The following ANKRD44 variants were observed in gnomAD, a reference collection of about 807,000 sequenced individuals.
ANKRD44 encodes the protein ankyrin repeat domain 44.
A neutral mutation model predicts 116.0 loss-of-function variants in ANKRD44; 35 were observed. The ratio of observed to expected loss-of-function variants is 0.30; its 90% CI spans 0.23 to 0.40. ANKRD44 has a LOEUF of 0.40. ANKRD44 is among the 10% of genes least tolerant of loss of function. ANKRD44 has a pLI of 1.00. For synonymous variants in ANKRD44, 435 were observed against 461.8 expected (o/e 0.94, Z 0.74); for missense variants, 1,014 against 1,242.6 (o/e 0.82, Z 2.77).
chr2:197,080,391 G>A (rs534019515), intron 15 of ANKRD44, among the ~76,000 whole-genome samples: 11 of 152,224 alleles, frequency 7.2e-5, no homozygotes, highest in African/African-American at 2.6e-4. Flanking sequence ...TGCACATGAC[G>A]TCAGAGGCGT....
At chr2:196,985,657 TC>T (rs560105540), downstream of ANKRD44, among the ~76,000 whole-genome samples, 174 of 152,314 alleles carry the variant, frequency 1.1e-3, 1 homozygote, top group Middle Eastern at 0.014. Context: ...TTCAGTTTCT[TC>T]CTGAAAGAGC....
chr2:197,078,430 G>C, intron 16 of ANKRD44: 1 of 754,558 alleles, frequency 1.3e-6, no homozygotes, highest in South Asian at 1.8e-5. Context: ...GGTGTTAGGA[G>C]GCAGAAATGG....
intron 17 of ANKRD44, chr2:197,015,926 G>A (rs1051107930): frequency 1.9e-6 from 1 of 530,704 alleles, no homozygotes; most frequent in Non-Finnish European, 3.7e-6. Context: ...ATGAAAGGGG[G>A]TAGTTTTGGT....
In ANKRD44 at chr2:197,142,346, C is replaced by T. The variant is rs544868712; in HGVS notation, c.190+4681G>A. 6.4e-4 allele frequency among the ~76,000 whole-genome samples: 98 copies of T among 152,256 alleles called. 1 individual carries two copies. The highest frequency in any genetic ancestry group is 3.1e-3 in the Admixed American group (48 of 15,294). On this transcript the variant is annotated intron_variant, in intron 3 of 27. Transcript: ENST00000282272. ...CACAAGCCAAAGAGAATAATTTCTT[C>T]CCAAGCTTAACTTATCTAAAGTTTG...
intron 4 of ANKRD44, among the ~76,000 whole-genome samples, chr2:197,128,215 CCA>C (rs1360478035): frequency 6.6e-6 from 1 of 152,224 alleles, no homozygotes; most frequent in Non-Finnish European, 1.5e-5. Context: ...TAAGAAGTCA[CCA>C]CACTGTCTTC....
intron 16 of ANKRD44, among the ~76,000 whole-genome samples, chr2:197,057,790 A>C (rs2077232237): frequency 6.6e-6 from 1 of 152,202 alleles, no homozygotes; most frequent in African/African-American, 2.4e-5. Context: ...TCCAGGGTTC[A>C]AAGGCTGCAG....
At position 197,159,453 on chromosome 2, in the gene ANKRD44, A is replaced by G. The variant is rs1218797573; in HGVS notation, c.112-12348T>C. On this transcript the variant is annotated intron_variant, in intron 2 of 27. Transcript: ENST00000282272. ...AGACTTGCAGTTTACAAACAAGAAA[A>G]TAAAATTCCTCTTGTAAATAATAAA... 2.0e-5 allele frequency among the ~76,000 whole-genome samples: 3 copies of G among 152,224 alleles called. No individual in the cohort carries two copies. In the East Asian group the frequency reaches 5.8e-4, roughly 29 times the overall value.
intron 17 of ANKRD44, among the ~76,000 whole-genome samples, chr2:197,024,986 AG>A (rs1275776210): frequency 6.6e-6 from 1 of 152,222 alleles, no homozygotes; most frequent in Non-Finnish European, 1.5e-5. Context: ...GGCTCAAGAC[AG>A]GGTAAGTCAT....
intron 4 of ANKRD44, among the ~76,000 whole-genome samples, chr2:197,128,364 G>A (rs1405911379): frequency 6.6e-6 from 1 of 152,140 alleles, no homozygotes; most frequent in Non-Finnish European, 1.5e-5. Flanking sequence ...TCTCATTGTG[G>A]TTTTGATTTG....
intron 8 of ANKRD44, among the ~76,000 whole-genome samples, chr2:197,116,013 G>C (rs957930614): frequency 6.6e-6 from 1 of 152,162 alleles, no homozygotes; most frequent in Non-Finnish European, 1.5e-5. Context: ...TTATATTCTA[G>C]TTATGATCAG....
At chr2:197,015,854 G>C in intron 17 of ANKRD44, 1 of 516,482 alleles carries the variant, frequency 1.9e-6, no homozygotes, top group Non-Finnish European at 3.7e-6. Flanking sequence ...ACCTGTGGTG[G>C]TGGTGGGAAC....
intron 16 of ANKRD44, among the ~76,000 whole-genome samples, chr2:197,055,164 T>C (rs1030347900): frequency 1.3e-5 from 2 of 152,238 alleles, no homozygotes; most frequent in Non-Finnish European, 2.9e-5. Flanking sequence ...CACATTGTAG[T>C]TCTAATTTGC....
At chr2:197,159,883 T>C (rs765355430) in intron 2 of ANKRD44, among the ~76,000 whole-genome samples, 20 of 152,208 alleles carry the variant, frequency 1.3e-4, no homozygotes, top group Non-Finnish European at 2.6e-4. Context: ...CCACATCCGC[T>C]GCTCTCTCAA....
intron 16 of ANKRD44, among the ~76,000 whole-genome samples, chr2:197,075,439 C>G (rs576793728): frequency 6.6e-6 from 1 of 152,292 alleles, no homozygotes; most frequent in South Asian, 2.1e-4. Flanking sequence ...AAGTCTCCCC[C>G]ACTTTGCTTT....
At chr2:197,310,222 C>A (rs2084206103) in intron 1 of ANKRD44, among the ~76,000 whole-genome samples, 1 of 151,694 alleles carries the variant, frequency 6.6e-6, no homozygotes, top group Admixed American at 6.6e-5. Flanking sequence ...GGGCCCGGGC[C>A]GGCGGCGCCC....
intron 1 of ANKRD44, among the ~76,000 whole-genome samples, chr2:197,246,268 C>G (rs1362730928): frequency 6.8e-6 from 1 of 147,710 alleles, no homozygotes; most frequent in Non-Finnish European, 1.5e-5. Context: ...CTCACTGCAG[C>G]CTGGAATTCC....
intron 10 of ANKRD44, among the ~76,000 whole-genome samples, chr2:197,092,045 T>C (rs1220381482): frequency 1.3e-5 from 2 of 152,168 alleles, no homozygotes; most frequent in Non-Finnish European, 2.9e-5. Flanking sequence ...GATTAAATGC[T>C]CCTCCTCTTC....
chr2:197,258,816 C>G (rs1387764060), intron 1 of ANKRD44, among the ~76,000 whole-genome samples: 17 of 152,208 alleles, frequency 1.1e-4, no homozygotes. Context: ...GTGGTTTTGA[C>G]TGGCATTTCC....
chr2:197,187,644 T>TTCTCTCTCTCTCTCTC (rs55952976), intron 1 of ANKRD44, among the ~76,000 whole-genome samples: 5 of 134,638 alleles, frequency 3.7e-5, no homozygotes, highest in African/African-American at 1.3e-4. Flanking sequence ...CACGTTCTCA[T>TTCTCTCTCTCTCTCTC]TCTCTCTCTC....
Sources: gnomAD v4.1 joint callset for allele counts (sites outside exome capture counted in the v4.1 genomes callset) on GRCh38, gnomAD v4.1.1 for gene constraint, MANE v1.5 for transcripts, NCBI Gene and HGNC (gene_info 2026-07-23, HGNC 2026-07-21) for gene names.